CDS2: variants seen among roughly 807,000 people sequenced by gnomAD.
CDS2 encodes the protein CDP-diacylglycerol synthase 2.
Under a neutral mutation model 59.0 loss-of-function variants are expected in CDS2, and 47 were observed. That is an observed-to-expected ratio of 0.80 (90% confidence interval 0.63 to 1.02). The LOEUF (loss-of-function observed/expected upper bound fraction) is 1.02. Among genes scored for constraint, CDS2 ranks in the 50% least tolerant of loss-of-function variants. The pLI is 0.00. For missense variants in CDS2, 356 were observed against 558.9 expected (o/e 0.64, Z 3.66); for synonymous variants, 207 against 206.4 (o/e 1.00, Z -0.02).
At chr20:5,154,794 C>T (rs531055550) in intron 1 of CDS2, among the ~76,000 whole-genome samples, 13 of 152,266 alleles carry the variant, frequency 8.5e-5, no homozygotes, top group Non-Finnish European at 1.6e-4. Flanking sequence ...ACTACGGGTG[C>T]GTGCCACTAC....
chr20:5,153,813 C>G (rs966549540), intron 1 of CDS2, among the ~76,000 whole-genome samples: 1 of 152,142 alleles, frequency 6.6e-6, no homozygotes, highest in Non-Finnish European at 1.5e-5. Flanking sequence ...CCTGATCTTA[C>G]CATTCTTAAG....
intron 7 of CDS2, among the ~76,000 whole-genome samples, chr20:5,183,961 G>A (rs1416900158): frequency 6.6e-6 from 1 of 152,112 alleles, no homozygotes; most frequent in South Asian, 2.1e-4. Context: ...TTGAAGACCG[G>A]CCTGGGCAAC....
At chr20:5,157,942 G>A (rs1455883319) in intron 1 of CDS2, among the ~76,000 whole-genome samples, 1 of 152,188 alleles carries the variant, frequency 6.6e-6, no homozygotes, top group Non-Finnish European at 1.5e-5. Context: ...GTTACTGACA[G>A]ATTATCATTT....
intron 1 of CDS2, among the ~76,000 whole-genome samples, chr20:5,143,371 G>A (rs2122974040): frequency 6.6e-6 from 1 of 152,160 alleles, no homozygotes; most frequent in East Asian, 1.9e-4. Context: ...CTGGAAAACT[G>A]CTTGACAATA....
At chr20:5,181,037 C>T (rs1384898608) in intron 5 of CDS2, among the ~76,000 whole-genome samples, 1 of 152,040 alleles carries the variant, frequency 6.6e-6, no homozygotes, top group African/African-American at 2.4e-5. Context: ...TGCATTCCTA[C>T]ACAAATAGTA....
Position 5,147,466 on chromosome 20 carries a change from C to A in CDS2, c.57+20317C>A, listed in dbSNP as rs146952062. On this transcript the variant is annotated intron_variant, in intron 1 of 12. Transcript: ENST00000460006. ...GTAGTGGAGCCCAGGAGAGCACAGG[C>A]CTTGCAGGTCCTTTGGTGTGTGGTA... 1.2e-3 allele frequency among the ~76,000 whole-genome samples: 188 copies of A among 152,236 alleles called. 4 individuals carry two copies. In the East Asian group the frequency reaches 0.029, roughly 23 times the overall value.
chr20:5,130,402 A>G, intron 1 of CDS2, among the ~76,000 whole-genome samples: 1 of 152,258 alleles, frequency 6.6e-6, no homozygotes, highest in East Asian at 1.9e-4. Flanking sequence ...ATAAATTTTA[A>G]GGAAATGCAT....
At chr20:5,141,837 G>A (rs1258393457) in intron 1 of CDS2, among the ~76,000 whole-genome samples, 2 of 152,108 alleles carry the variant, frequency 1.3e-5, no homozygotes, top group African/African-American at 4.8e-5. Flanking sequence ...TGCTTGTTGA[G>A]TGTGTGGGGA....
At chr20:5,147,250 A>G (rs1317938430) in intron 1 of CDS2, among the ~76,000 whole-genome samples, 1 of 152,222 alleles carries the variant, frequency 6.6e-6, no homozygotes, top group Non-Finnish European at 1.5e-5. Flanking sequence ...GATGCAATAC[A>G]GAGGAGATGC....
rs1390854763 is a variant in CDS2 at position 5,193,406 on chromosome 20, T to C, written c.*3172T>C. The C allele has an allele frequency of 6.6e-6, 1 of 152,264 alleles. No homozygotes were observed. The highest frequency in any genetic ancestry group is 1.5e-5 in the Non-Finnish European group (1 of 68,042). 9.4% of individuals were successfully genotyped at this position (152,264 alleles called of 1,614,324 possible). On this transcript the variant is annotated 3_prime_UTR_variant, in exon 13 of 13. Transcript: ENST00000460006. The stretch of plus-strand genomic sequence containing the variant: ...TTGGGGAGGATACAACTTTTGACTT[T>C]ACACAGGTGGACTTTGAATCCATTT...
intron 1 of CDS2, among the ~76,000 whole-genome samples, chr20:5,134,695 A>G (rs1197124226): frequency 4.0e-5 from 6 of 151,792 alleles, no homozygotes; most frequent in East Asian, 1.9e-4. Context: ...TAATTTTTAT[A>G]TTTTTAGTAG....
rs2091130146 is a variant in CDS2 at position 5,193,096 on chromosome 20, G to A, written c.*2862G>A. On this transcript the variant is annotated 3_prime_UTR_variant, in exon 13 of 13. Coordinates refer to ENST00000460006, the MANE Select transcript of CDS2 (RefSeq NM_003818.4). ...GGGGGTCATAGAAACCAGGGCTGATGGGCACCCCCCAGCCCCTGGGAGCTC... is the reference window on the plus strand; with the variant it reads ...GGGGGTCATAGAAACCAGGGCTGATAGGCACCCCCCAGCCCCTGGGAGCTC... 1 of 152,236 alleles carries A rather than the reference G, an allele frequency of 6.6e-6. No homozygotes were observed. The highest frequency in any genetic ancestry group is 2.4e-5 in the African/African-American group (1 of 41,460). 9.4% of individuals were successfully genotyped at this position (152,236 alleles called of 1,614,324 possible).
chr20:5,130,417 A>G (rs1228827144), intron 1 of CDS2, among the ~76,000 whole-genome samples: 1 of 152,258 alleles, frequency 6.6e-6, no homozygotes, highest in Admixed American at 6.5e-5. Context: ...ATGCATTATG[A>G]AACAAGAACT....
At chr20:5,147,940 GT>G (rs201521420) in intron 1 of CDS2, among the ~76,000 whole-genome samples, 2 of 150,814 alleles carry the variant, frequency 1.3e-5, no homozygotes, top group East Asian at 1.9e-4. Context: ...AGCAGTGATT[GT>G]TTTTTTTTGT....
At chr20:5,172,942 G>C (rs2090967090) in intron 1 of CDS2, among the ~76,000 whole-genome samples, 1 of 152,186 alleles carries the variant, frequency 6.6e-6, no homozygotes, top group Non-Finnish European at 1.5e-5. Context: ...GGGCCTGGTG[G>C]CAGGGAAAGG....
Position 5,191,978 on chromosome 20 carries a change from G to GT in CDS2, c.*1745dup, listed in dbSNP as rs2091118873. 1 of 152,202 alleles carries GT rather than the reference G, an allele frequency of 6.6e-6. No homozygotes were observed. Among genetic ancestry groups the GT allele is most frequent in the Non-Finnish European group, 1.5e-5 (1 of 68,066 alleles). 9.4% of individuals were successfully genotyped at this position (152,202 alleles called of 1,614,324 possible). A position where few individuals can be genotyped will look rare whatever the true frequency, so the allele number is the denominator to read the frequency against. ...ATTCTGGCTGAGCAAGTTCATGCCG[G>GT]TAGAGGCTCATTAAGTGAGGTCCTG... On this transcript the variant is annotated 3_prime_UTR_variant, in exon 13 of 13. Coordinates refer to ENST00000460006, the MANE Select transcript of CDS2 (RefSeq NM_003818.4).
intron 5 of CDS2, among the ~76,000 whole-genome samples, chr20:5,179,622 C>T (rs529042218): frequency 1.4e-4 from 21 of 152,264 alleles, no homozygotes; most frequent in Non-Finnish European, 2.5e-4. Context: ...TTTAGGAGAC[C>T]GCCTTGGGTG....
At chr20:5,163,777 T>C (rs1454972308) in intron 1 of CDS2, among the ~76,000 whole-genome samples, 1 of 149,074 alleles carries the variant, frequency 6.7e-6, no homozygotes, top group Non-Finnish European at 1.5e-5. Flanking sequence ...GTGGCTTTCA[T>C]AATTTCTTTC....
intron 2 of CDS2, among the ~76,000 whole-genome samples, chr20:5,174,812 A>G (rs1410218682): frequency 2.0e-5 from 3 of 152,178 alleles, no homozygotes; most frequent in Admixed American, 1.3e-4. Context: ...AGGGCAGTGC[A>G]GTGTAGGATC....
Sources: allele counts gnomAD v4.1 joint callset (sites outside exome capture counted in the v4.1 genomes callset), GRCh38; gene constraint gnomAD v4.1.1; transcripts MANE v1.5; gene names NCBI Gene and HGNC (gene_info 2026-07-23, HGNC 2026-07-21).